ADGRE2: variants seen among roughly 807,000 people sequenced by gnomAD.
ADGRE2 encodes CD97 antigen.
A neutral mutation model predicts 100.8 loss-of-function variants in ADGRE2; 83 were observed. The observed-to-expected ratio is 0.82, with a 90% CI of 0.69 to 0.99. ADGRE2 has a LOEUF of 0.99. ADGRE2 is among the 50% of genes least tolerant of loss of function. The pLI is 0.00. For missense variants in ADGRE2, 814 were observed against 1,035.7 expected, an observed-to-expected ratio of 0.79 and a Z score of 2.94; for synonymous variants, 355 against 413.0, an observed-to-expected ratio of 0.86 and a Z score of 1.70.
intron 11 of ADGRE2, among the ~76,000 whole-genome samples, chr19:14,760,564 C>T (rs1163149338): frequency 1.3e-5 from 2 of 151,988 alleles, no homozygotes; most frequent in Admixed American, 1.3e-4. Context: ...GTTATTCAAC[C>T]CAAAATGTGT....
At chr19:14,773,098 AC>A (rs376049357) in intron 4 of ADGRE2, among the ~76,000 whole-genome samples, 6,353 of 82,738 alleles carry the variant, frequency 0.077, 230 homozygotes, top group African/African-American at 0.15. Context: ...AAAAAAAAAA[AC>A]AAAAAAAAAA....
chr19:14,743,526 C>G lies in ADGRE2; in HGVS notation c.2357G>C (p.Arg786Pro). 3.1e-6 allele frequency: 5 copies of G among 1,614,000 alleles called. No homozygotes were observed. Among genetic ancestry groups the G allele is most frequent in the Non-Finnish European group, 4.2e-6 (5 of 1,179,920 alleles). The change falls in exon 20 of 21, where the codon CGG (arginine) becomes CCG (proline). Residue 786 changes from arginine (R) to proline (P), a missense_variant. Physicochemically the swap from Arg to Pro is moderately radical, Grantham distance 103. This residue lies in a region of ADGRE2 where 569 missense variants were observed against 692.7 expected (regional missense o/e 0.82). Transcript: ENST00000315576. Reference sequence around the variant, plus strand: ...TTTGGACCATTTCCCATATTGCTCCCGGACCTGCAGAGGCAAAGTGTGTAC... The same window carrying G: ...TTTGGACCATTTCCCATATTGCTCCGGGACCTGCAGAGGCAAAGTGTGTAC... ...LVYCLLSQQV[R>P]EQYGKWSKGI...
In ADGRE2 at chr19:14,734,657, C is replaced by G. The variant is rs2042717736; in HGVS notation, c.*1579G>C. On this transcript the variant is annotated 3_prime_UTR_variant, in exon 21 of 21. Coordinates refer to ENST00000315576, the MANE Select transcript of ADGRE2 (RefSeq NM_013447.4). Reference sequence around the variant, plus strand: ...GACCAGGCTGGTCTTGAACTCCTGACCTTAGGTGATCTGACCACCTCAGCC... The same window carrying G: ...GACCAGGCTGGTCTTGAACTCCTGAGCTTAGGTGATCTGACCACCTCAGCC... The G allele has an allele frequency of 6.6e-6, 1 of 152,192 alleles. No homozygotes were observed. Among genetic ancestry groups the G allele is most frequent in the Non-Finnish European group, 1.5e-5 (1 of 68,056 alleles). 9.4% of individuals were successfully genotyped at this position (152,192 alleles called of 1,614,324 possible).
chr19:14,736,887 TATATATATTTAATATCTATATATTTAGAA>T (rs2042772278), intron 20 of ADGRE2, among the ~76,000 whole-genome samples: 1 of 144,926 alleles, frequency 6.9e-6, no homozygotes, highest in Admixed American at 7.0e-5. Context: ...TATTTAGAAA[TATATATATTTAATATCTATATATTTAGAA>T]ATATATATAT....
At chr19:14,776,217 G>A (rs1451296789) in intron 2 of ADGRE2, among the ~76,000 whole-genome samples, 1 of 152,038 alleles carries the variant, frequency 6.6e-6, no homozygotes, top group Non-Finnish European at 1.5e-5. Context: ...GAGAGAAAAC[G>A]GAGATTAGGG....
intron 17 of ADGRE2, among the ~76,000 whole-genome samples, chr19:14,746,643 G>A (rs576248521): frequency 2.0e-5 from 3 of 152,278 alleles, no homozygotes; most frequent in East Asian, 1.9e-4. Flanking sequence ...GATTACAGGC[G>A]TGAGCCACCA....
At chr19:14,747,984 C>T (rs1204572776) in intron 16 of ADGRE2, among the ~76,000 whole-genome samples, 7 of 151,938 alleles carry the variant, frequency 4.6e-5, no homozygotes, top group Admixed American at 1.3e-4. Flanking sequence ...TTTTTCTAAA[C>T]GTTTATTTTA....
intron 20 of ADGRE2, among the ~76,000 whole-genome samples, chr19:14,740,621 CAAAAAAAA>C (rs3057546): frequency 8.1e-6 from 1 of 124,058 alleles, no homozygotes; most frequent in African/African-American, 2.9e-5. Flanking sequence ...AACTCCGTCT[CAAAAAAAA>C]AAAAAAAAGA....
chr19:14,746,275 G>C lies in ADGRE2; in HGVS notation c.2140C>G (p.Leu714Val). 2 of 1,610,806 alleles carry C rather than the reference G, an allele frequency of 1.2e-6. No individual in the cohort carries two copies. Among genetic ancestry groups the C allele is most frequent in the Non-Finnish European group, 1.7e-6 (2 of 1,177,488 alleles). The change falls in exon 18 of 21, where the codon CTC becomes GTC. Residue 714 changes from leucine to valine, a missense_variant. Physicochemically the swap from Leu to Val is conservative, Grantham distance 32. Transcript: ENST00000315576. ...GACACTTCACTATTGAGGGAGGAGAGTCTGTTTTTCAAAATCCAGAGAGTC... is the reference window on the plus strand; with the variant it reads ...GACACTTCACTATTGAGGGAGGAGACTCTGTTTTTCAAAATCCAGAGAGTC... ...LVTLWILKNR[L>V]SSLNSEVSTL...
At chr19:14,776,693 C>A (rs779399625) in intron 2 of ADGRE2, 33 bp downstream of exon 2, 2 of 1,604,880 alleles carry the variant, frequency 1.2e-6, no homozygotes, top group Non-Finnish European at 1.7e-6. Flanking sequence ...AGCTTCCTCG[C>A]TACCACCCCC....
chr19:14,776,976 GCACACA>G (rs58154734), intron 1 of ADGRE2, 49 bp from the exon 2 acceptor site: 68,471 of 1,017,462 alleles, frequency 0.067, 648 homozygotes, highest in East Asian at 0.1. Context: ...CAGGGGCGCT[GCACACA>G]CACACACACA....
At chr19:14,725,207 C>T in the ADGRE2 span, among the ~76,000 whole-genome samples, 6 of 152,244 alleles carry the variant, frequency 3.9e-5, no homozygotes, top group East Asian at 1.2e-3. Flanking sequence ...CTCGCATGAA[C>T]TACTAGAGTG....
At chr19:14,742,211 A>G (rs1216917236) in intron 20 of ADGRE2, 1 of 396,338 alleles carries the variant, frequency 2.5e-6, no homozygotes, top group Non-Finnish European at 4.4e-6. Flanking sequence ...TGTGTTTTTA[A>G]AACTTTATTT....
chr19:14,764,598 C>A lies in ADGRE2; in HGVS notation c.919G>T (p.Ala307Ser), dbSNP rs765697044. The part of the protein sequence containing the change: ...ANNTIQSILQ[A>S]LDELLEAPGD... The stretch of plus-strand genomic sequence containing the variant: ...GGGGCCTCCAGCAGCTCATCCAGCG[C>A]CTGTAAGATGCTCTGGAGGGATGTG... Residue 307 changes from alanine to serine, a missense_variant, in exon 11 of 21, where the codon GCG (alanine) becomes TCG (serine). Physicochemically the swap from Ala to Ser is moderately conservative, Grantham distance 99. Transcript: ENST00000315576. 2.6e-5 allele frequency: 42 copies of A among 1,611,788 alleles called. No individual in the cohort carries two copies. The highest frequency in any genetic ancestry group is 3.4e-5 in the Non-Finnish European group (40 of 1,179,624).
intron 11 of ADGRE2, among the ~76,000 whole-genome samples, chr19:14,763,260 G>A (rs2043795309): frequency 6.6e-6 from 1 of 151,932 alleles, no homozygotes; most frequent in East Asian, 1.9e-4. Context: ...GGAGAATGCT[G>A]TCAACCCAGG....
chr19:14,759,523 G>A (rs2043634665), intron 11 of ADGRE2, among the ~76,000 whole-genome samples: 1 of 119,456 alleles, frequency 8.4e-6, no homozygotes, highest in Non-Finnish European at 1.6e-5. Flanking sequence ...TTTAGACGGA[G>A]TCTCACTCTG....
chr19:14,770,791 G>T (rs551833287), intron 5 of ADGRE2, among the ~76,000 whole-genome samples: 102 of 144,312 alleles, frequency 7.1e-4, no homozygotes, highest in African/African-American at 2.4e-3. Context: ...TGATTCTCCT[G>T]CCTCAGCCTC....
intron 5 of ADGRE2, among the ~76,000 whole-genome samples, chr19:14,769,219 C>G (rs982223901): frequency 3.9e-5 from 3 of 77,498 alleles, no homozygotes; most frequent in Admixed American, 2.1e-4. Flanking sequence ...GTGAGACACC[C>G]CCCCCCCATC....
chr19:14,767,044 C>T lies in ADGRE2; in HGVS notation c.421G>A (p.Gly141Ser), dbSNP rs1354971232. The T allele has an allele frequency of 8.1e-6, 10 of 1,231,374 alleles. 1 individual carries two copies. Among genetic ancestry groups the T allele is most frequent in the Middle Eastern group, 2.5e-4 (1 of 3,944 alleles). 76.3% of individuals were successfully genotyped at this position (1,231,374 alleles called of 1,614,324 possible). ...GGCAGGCACTGGCACGTGTAGCTGCCGAGGGTGTTGACGCAGGTGCCGTAG... is the reference window on the plus strand; with the variant it reads ...GGCAGGCACTGGCACGTGTAGCTGCTGAGGGTGTTGACGCAGGTGCCGTAG... Reference protein sequence around the residue: ...KSYGTCVNTLGSYTCQCLPGF... With the variant: ...KSYGTCVNTLSSYTCQCLPGF... Residue 141 changes from glycine to serine, a missense_variant, in exon 6 of 21, where the codon GGC (glycine) becomes AGC (serine). Around this residue, in one of 5 missense-constraint regions of ADGRE2, gnomAD observed 14 missense variants for 42.6 expected, o/e 0.33. Coordinates refer to ENST00000315576, the MANE Select transcript of ADGRE2 (RefSeq NM_013447.4).
Sources: gnomAD v4.1 joint callset for allele counts (sites outside exome capture counted in the v4.1 genomes callset) on GRCh38, gnomAD v4.1.1 for gene constraint, gnomAD v4.1.1 regional missense constraint, MANE v1.5 for transcripts, NCBI Gene and HGNC (gene_info 2026-07-23, HGNC 2026-07-21) for gene names.